The following CDKAL1 variants were observed in gnomAD, a reference collection of about 807,000 sequenced individuals.
The protein encoded by CDKAL1 is threonylcarbamoyladenosine tRNA methylthiotransferase.
A neutral mutation model predicts 68.2 loss-of-function variants in CDKAL1; 32 were observed. The observed-to-expected ratio is 0.47, with a 90% confidence interval of 0.35 to 0.63. The LOEUF is 0.63. Ranked by LOEUF, CDKAL1 falls within the 30% of genes least tolerant of loss-of-function variation. The probability of loss-of-function intolerance (pLI) is 0.00; values close to 1 mark genes in which losing one functional copy is unlikely to be tolerated. For synonymous variants in CDKAL1, 234 were observed against 244.3 expected (o/e 0.96, Z 0.39); for missense variants, 606 against 696.7 (o/e 0.87, Z 1.47).
chr6:21,072,256 G>A (rs1037244507), intron 12 of CDKAL1, among the ~76,000 whole-genome samples: 4 of 152,140 alleles, frequency 2.6e-5, no homozygotes, highest in African/African-American at 9.7e-5. Flanking sequence ...ATTGATAAAT[G>A]TCTAGAAGGA....
At chr6:20,551,796 T>C (rs1763843046) in intron 4 of CDKAL1, among the ~76,000 whole-genome samples, 1 of 152,214 alleles carries the variant, frequency 6.6e-6, no homozygotes, top group Non-Finnish European at 1.5e-5. Flanking sequence ...TACTTCTCTA[T>C]ATTCATTAGT....
chr6:20,943,718 T>C (rs1764101460), intron 9 of CDKAL1, among the ~76,000 whole-genome samples: 1 of 152,154 alleles, frequency 6.6e-6, no homozygotes, highest in African/African-American at 2.4e-5. Flanking sequence ...TAGCTGGTTT[T>C]ATGTCCTCGC....
At chr6:21,083,571 A>G (rs1444521522) in intron 12 of CDKAL1, among the ~76,000 whole-genome samples, 2 of 152,204 alleles carry the variant, frequency 1.3e-5, no homozygotes, top group Non-Finnish European at 2.9e-5. Flanking sequence ...AGTTTCTTAC[A>G]TGATCACAGT....
chr6:20,832,588 C>T (rs975924872), intron 8 of CDKAL1, among the ~76,000 whole-genome samples: 1 of 151,896 alleles, frequency 6.6e-6, no homozygotes, highest in African/African-American at 2.4e-5. Flanking sequence ...CCCAAGAGTT[C>T]GAGGGAGCAC....
rs141195940 is a variant in CDKAL1, at chr6:21,001,019, A to G, written c.1055+647A>G. On this transcript the variant is annotated intron_variant, in intron 11 of 15. Transcript: ENST00000274695. ...GTTCTTCAAAACCCTGCTCCTCATC[A>G]TCACCAAACATTGACTGCCTTCTGT... Among the ~76,000 whole-genome samples the G allele has an allele frequency of 1.4e-4, 22 of 152,368 alleles. No homozygotes were observed. In the East Asian group the frequency reaches 2.7e-3, roughly 19 times the overall value.
intron 8 of CDKAL1, among the ~76,000 whole-genome samples, chr6:20,818,643 A>G (rs1777146878): frequency 6.6e-6 from 1 of 151,774 alleles, no homozygotes; most frequent in Non-Finnish European, 1.5e-5. Context: ...ATGAAAGAGT[A>G]GGTTTTGTTA....
At chr6:21,159,587 C>A (rs1301991894) in intron 13 of CDKAL1, among the ~76,000 whole-genome samples, 2 of 152,196 alleles carry the variant, frequency 1.3e-5, no homozygotes, top group Non-Finnish European at 2.9e-5. Flanking sequence ...CCATGCCTGG[C>A]CTATGGTAGA....
chr6:21,222,311 G>A (rs566810460), intron 15 of CDKAL1, among the ~76,000 whole-genome samples: 1 of 152,304 alleles, frequency 6.6e-6, no homozygotes, highest in East Asian at 1.9e-4. Context: ...CATGAATAAT[G>A]TCTGATGTAG....
At chr6:21,092,634 C>T (rs762472606) in intron 12 of CDKAL1, among the ~76,000 whole-genome samples, 17 of 149,994 alleles carry the variant, frequency 1.1e-4, no homozygotes, top group Non-Finnish European at 2.5e-4. Flanking sequence ...AAAGCCCTAA[C>T]TAACACAAAG....
chr6:20,989,044 TA>T (rs1484114368), intron 10 of CDKAL1, among the ~76,000 whole-genome samples: 1 of 152,108 alleles, frequency 6.6e-6, no homozygotes, highest in African/African-American at 2.4e-5. Flanking sequence ...GTCATATGGC[TA>T]CTCCTGCCTA....
chr6:21,150,881 T>C (rs1415277079), intron 13 of CDKAL1, among the ~76,000 whole-genome samples: 3 of 152,230 alleles, frequency 2.0e-5, no homozygotes, highest in Non-Finnish European at 4.4e-5. Context: ...AGATATTTTC[T>C]ATCAGTCACT....
Position 20,710,529 on chromosome 6 carries a change from G to T in CDKAL1, c.372-28990G>T, listed in dbSNP as rs1313284241. Among the ~76,000 whole-genome samples, 3 of 152,172 alleles carry T rather than the reference G, an allele frequency of 2.0e-5. No homozygotes were observed. The East Asian group carries it at 5.8e-4, about 29-fold the overall frequency. Reference sequence around the variant, plus strand: ...TGCCTAATGACACATTTCTTAAAATGTATCCGCATCATTAAGTGACGAATG... The same window carrying T: ...TGCCTAATGACACATTTCTTAAAATTTATCCGCATCATTAAGTGACGAATG... On this transcript the variant is annotated intron_variant, in intron 5 of 15. Transcript: ENST00000274695.
intron 12 of CDKAL1, among the ~76,000 whole-genome samples, chr6:21,102,441 G>A (rs1773626162): frequency 6.6e-6 from 1 of 152,126 alleles, no homozygotes; most frequent in South Asian, 2.1e-4. Flanking sequence ...CTTACTCAGT[G>A]TTTACTGGCT....
intron 9 of CDKAL1, among the ~76,000 whole-genome samples, chr6:20,853,406 A>C (rs374827901): frequency 1.5e-5 from 2 of 131,090 alleles, no homozygotes; most frequent in African/African-American, 5.3e-5. Context: ...AAAAAACAAA[A>C]AAAAAAACCC....
intron 4 of CDKAL1, among the ~76,000 whole-genome samples, chr6:20,618,740 G>T (rs570958626): frequency 1.3e-5 from 2 of 151,644 alleles, no homozygotes; most frequent in South Asian, 4.2e-4. Context: ...GTGTAGTGGC[G>T]CAGTCTTGGC....
At chr6:21,085,503 T>C (rs1471896551) in intron 12 of CDKAL1, among the ~76,000 whole-genome samples, 1 of 152,086 alleles carries the variant, frequency 6.6e-6, no homozygotes, top group Non-Finnish European at 1.5e-5. Context: ...CTGTTAAAAC[T>C]TGGGGGCTTG....
intron 5 of CDKAL1, among the ~76,000 whole-genome samples, chr6:20,709,730 T>C (rs760126636): frequency 2.6e-5 from 4 of 152,178 alleles, no homozygotes; most frequent in Non-Finnish European, 5.9e-5. Flanking sequence ...TGGGTCTTTT[T>C]ATATTTTTCT....
At chr6:20,967,288 G>A (rs1765366997) in intron 10 of CDKAL1, among the ~76,000 whole-genome samples, 1 of 151,936 alleles carries the variant, frequency 6.6e-6, no homozygotes, top group Non-Finnish European at 1.5e-5. Flanking sequence ...ATCTTTTTAG[G>A]GGACACAGTT....
At chr6:20,802,315 C>CAATAATAATAATAATAATAAT (rs55851833) in intron 8 of CDKAL1, among the ~76,000 whole-genome samples, 5 of 115,496 alleles carry the variant, frequency 4.3e-5, no homozygotes, top group South Asian at 5.5e-4. Context: ...ACAACAACAA[C>CAATAATAATAATAATAATAAT]AATAATAATA....
Sources: allele counts gnomAD v4.1 joint callset (sites outside exome capture counted in the v4.1 genomes callset), GRCh38; gene constraint gnomAD v4.1.1; transcripts MANE v1.5; gene names NCBI Gene and HGNC (gene_info 2026-07-23, HGNC 2026-07-21).